Variants in ZNF519 observed in about 807,000 individuals in gnomAD.
The protein encoded by ZNF519 is similar to Zinc finger protein 85 (Zinc finger protein HPF4) (HTF1).
Under a neutral mutation model 7.4 loss-of-function variants are expected in ZNF519, and 7 were observed. That is an observed-to-expected ratio of 0.94 (90% CI 0.54 to 1.77). ZNF519 has a LOEUF of 1.77. Ranked by LOEUF, ZNF519 falls within the 40% of genes most tolerant of loss-of-function variation. The pLI, the probability that ZNF519 is intolerant of heterozygous loss-of-function variation, is 0.00. For synonymous variants in ZNF519, 179 were observed against 203.3 expected (o/e 0.88, Z 1.02); for missense variants, 586 against 623.1 (o/e 0.94, Z 0.63).
At chr18:14,116,196 T>G (rs974237465) in intron 2 of ZNF519, among the ~76,000 whole-genome samples, 1 of 152,200 alleles carries the variant, frequency 6.6e-6, no homozygotes, top group African/African-American at 2.4e-5. Flanking sequence ...TTTAAGATAC[T>G]CTTCTTTAAG....
intron 2 of ZNF519, among the ~76,000 whole-genome samples, chr18:14,113,727 C>G (rs1405831594): frequency 6.8e-6 from 1 of 147,280 alleles, no homozygotes; most frequent in East Asian, 2.0e-4. Flanking sequence ...AAACTGTTCT[C>G]CATAGTAGCT....
chr18:14,125,363 G>T (rs990073962), intron 1 of ZNF519, among the ~76,000 whole-genome samples: 2 of 152,182 alleles, frequency 1.3e-5, no homozygotes, highest in African/African-American at 4.8e-5. Context: ...CCAAGAGTAT[G>T]TCACAGAGCA....
At chr18:14,127,325 G>A (rs2046303987) in intron 1 of ZNF519, among the ~76,000 whole-genome samples, 1 of 152,156 alleles carries the variant, frequency 6.6e-6, no homozygotes, top group South Asian at 2.1e-4. Context: ...TGTCTTCTGT[G>A]AGTTTTCTGT....
At chr18:14,112,043 A>G (rs1196626768) in intron 2 of ZNF519, among the ~76,000 whole-genome samples, 2 of 152,196 alleles carry the variant, frequency 1.3e-5, no homozygotes, top group East Asian at 3.8e-4. Flanking sequence ...TCAGCAACAT[A>G]TTAAAAAGAT....
chr18:14,106,508 C>T lies in ZNF519; in HGVS notation c.131-99G>A, dbSNP rs2046193703. 3 of 1,022,272 alleles carry T rather than the reference C, an allele frequency of 2.9e-6. No homozygotes were observed. In the South Asian group the frequency reaches 6.7e-5, roughly 23 times the overall value. 63.3% of individuals were successfully genotyped at this position (1,022,272 alleles called of 1,614,324 possible). A position where few individuals can be genotyped will look rare whatever the true frequency, so the allele number is the denominator to read the frequency against. On this transcript the variant is annotated intron_variant, in intron 2 of 2. Coordinates refer to ENST00000590202, the MANE Select transcript of ZNF519 (RefSeq NM_145287.4). ...AATTTTGCCAAGCTGAGAACATCAG[C>T]ACAATGCCATAGTAGAAAACCAAGA...
chr18:14,088,644 T>C (rs1003791527), intron 2 of ZNF519, among the ~76,000 whole-genome samples: 1 of 152,034 alleles, frequency 6.6e-6, no homozygotes, highest in Non-Finnish European at 1.5e-5. Context: ...AAATGAATAA[T>C]ATATGGAGTA....
At chr18:14,116,033 G>T (rs1475843467) in intron 2 of ZNF519, among the ~76,000 whole-genome samples, 1 of 152,148 alleles carries the variant, frequency 6.6e-6, no homozygotes, top group Non-Finnish European at 1.5e-5. Flanking sequence ...TGGGTTTGTT[G>T]TACAGATTAT....
At chr18:14,128,093 T>C (rs909468201) in intron 1 of ZNF519, among the ~76,000 whole-genome samples, 37 of 151,554 alleles carry the variant, frequency 2.4e-4, no homozygotes, top group Non-Finnish European at 5.0e-4. Context: ...ATCGAGACCA[T>C]CCTGGCGAAC....
intron 3 of ZNF519, among the ~76,000 whole-genome samples, chr18:14,079,648 TA>T (rs1000260586): frequency 6.6e-6 from 1 of 152,128 alleles, no homozygotes; most frequent in Non-Finnish European, 1.5e-5. Context: ...GTTAAGGTAA[TA>T]AAATGTAGCT....
chr18:14,081,423 T>C (rs952656130), intron 3 of ZNF519, among the ~76,000 whole-genome samples: 1 of 152,192 alleles, frequency 6.6e-6, no homozygotes, highest in African/African-American at 2.4e-5. Context: ...CCTAATTGTT[T>C]TGAAATAATT....
At chr18:14,108,816 C>T (rs750531821) in intron 2 of ZNF519, among the ~76,000 whole-genome samples, 6 of 152,104 alleles carry the variant, frequency 3.9e-5, no homozygotes, top group Non-Finnish European at 8.8e-5. Flanking sequence ...GAGGGCTGGG[C>T]ACAGTGGCTC....
intron 2 of ZNF519, among the ~76,000 whole-genome samples, chr18:14,107,644 C>A (rs1408558585): frequency 6.6e-6 from 1 of 152,092 alleles, no homozygotes; most frequent in Non-Finnish European, 1.5e-5. Flanking sequence ...TTATTCCAGG[C>A]CTTGGCACTT....
At chr18:14,078,799 G>C (rs775836600) in intron 3 of ZNF519, among the ~76,000 whole-genome samples, 12 of 152,064 alleles carry the variant, frequency 7.9e-5, no homozygotes, top group Non-Finnish European at 1.8e-4. Context: ...AAAAATCCTT[G>C]ATTATGAGAA....
chr18:14,076,158 A>G (rs2143071094), exon 5 of ZNF519: 1 of 152,176 alleles, frequency 6.6e-6, no homozygotes, highest in African/African-American at 2.4e-5. Context: ...TCAACCTTGG[A>G]CCTAGTCAGT....
intron 1 of ZNF519, among the ~76,000 whole-genome samples, chr18:14,126,337 G>A (rs1044922366): frequency 6.6e-6 from 1 of 152,152 alleles, no homozygotes; most frequent in African/African-American, 2.4e-5. Context: ...CGATAAGAAG[G>A]AATTTAACCA....
intron 2 of ZNF519, among the ~76,000 whole-genome samples, chr18:14,117,648 T>C (rs1357674580): frequency 6.6e-6 from 1 of 152,228 alleles, no homozygotes; most frequent in Non-Finnish European, 1.5e-5. Context: ...CTCATGGTTA[T>C]GCAGGCTGTA....
At position 14,132,376 on chromosome 18, in the gene ZNF519, C is replaced by T; in HGVS notation, c.-99G>A. On this transcript the variant is annotated 5_prime_UTR_variant, in exon 1 of 3. Coordinates refer to ENST00000590202, the MANE Select transcript of ZNF519 (RefSeq NM_145287.4). ...TGAGTGGCAGAATCACCGAAGTCTC[C>T]CGGAGCAGAGGACACAAGGCAATGA... 1 of 1,476,562 alleles carries T rather than the reference C, an allele frequency of 6.8e-7. No individual in the cohort carries two copies. The highest frequency in any genetic ancestry group is 1.4e-5 in the African/African-American group (1 of 72,470). The allele number at this position is 1,476,562 out of a possible 1,614,324, so 91.5% of individuals were successfully genotyped here. A position where few individuals can be genotyped will look rare whatever the true frequency, so the allele number is the denominator to read the frequency against.
In ZNF519 at chr18:14,105,015, T is replaced by C. The variant is rs2046180824; in HGVS notation, c.1525A>G (p.Ile509Val). The C allele has an allele frequency of 6.2e-7, 1 of 1,603,222 alleles. No individual in the cohort carries two copies. The highest frequency in any genetic ancestry group is 8.5e-7 in the Non-Finnish European group (1 of 1,173,848). ...TTGAAAGGTTTCTCTCCAGTATGAA[T>C]TCTCTGATGTTGAGTAAGGTGTGAG... ...RSSHLTQHQRIHTGEKPFKCK... is the reference protein window; with the variant it reads ...RSSHLTQHQRVHTGEKPFKCK... Residue 509 changes from isoleucine to valine, a missense_variant, in exon 3 of 3, where the codon ATT becomes GTT. By Grantham distance (29) the Ile-to-Val change is conservative. Coordinates refer to ENST00000590202, the MANE Select transcript of ZNF519 (RefSeq NM_145287.4).
chr18:14,088,285 G>A (rs16941582), intron 2 of ZNF519, among the ~76,000 whole-genome samples: 2,189 of 152,250 alleles, frequency 0.014, 53 homozygotes, highest in African/African-American at 0.049. Context: ...AGAAAAACTC[G>A]GAGTAGCTTC....
Sources: allele counts gnomAD v4.1 joint callset (sites outside exome capture counted in the v4.1 genomes callset), GRCh38; gene constraint gnomAD v4.1.1; transcripts MANE v1.5; gene names NCBI Gene and HGNC (gene_info 2026-07-23, HGNC 2026-07-21).